The following TICAM2 variants were observed in gnomAD, a reference collection of about 807,000 sequenced individuals.
TICAM2 encodes the protein TIR domain containing adaptor molecule 2.
In TICAM2, 8 loss-of-function variants were observed where a neutral mutation model predicts 7.3. The ratio of observed to expected loss-of-function variants is 1.10; its 90% CI spans 0.65 to 1.99. The LOEUF is 1.99. Among genes scored for constraint, TICAM2 ranks in the 30% most tolerant of loss-of-function variants. The pLI, the probability that TICAM2 is intolerant of heterozygous loss-of-function variation, is 0.00. For synonymous variants in TICAM2, 113 were observed against 99.6 expected, an observed-to-expected ratio of 1.13 and a Z score of -0.80; for missense variants, 304 against 278.8, an observed-to-expected ratio of 1.09 and a Z score of -0.65.
intron 1 of TICAM2, among the ~76,000 whole-genome samples, chr5:115,585,167 G>T (rs1423517836): frequency 6.6e-6 from 1 of 152,054 alleles, no homozygotes; most frequent in Non-Finnish European, 1.5e-5. Context: ...CTATCCTTAG[G>T]GGTTTTATGA....
At position 115,579,714 on chromosome 5, in the gene TICAM2, A is replaced by G. The variant is rs1188500032; in HGVS notation, c.*835T>C. ...ATGAGAAATACTTCCTGAGAAGAGA[A>G]TTGTGTGTGACGGAAACTTTTAAAG... On this transcript the variant is annotated 3_prime_UTR_variant, in exon 2 of 2. Transcript: ENST00000427199. 1 of 152,230 alleles carries G rather than the reference A, an allele frequency of 6.6e-6. No individual in the cohort carries two copies. The highest frequency in any genetic ancestry group is 2.4e-5 in the African/African-American group (1 of 41,462). The allele number at this position is 152,230 out of a possible 1,614,324, so 9.4% of individuals were successfully genotyped here. A position where few individuals can be genotyped will look rare whatever the true frequency, so the allele number is the denominator to read the frequency against.
chr5:115,581,000 G>A lies in TICAM2; in HGVS notation c.257C>T (p.Ala86Val), dbSNP rs963155520. The A allele has an allele frequency of 3.7e-6, 6 of 1,613,842 alleles. No individual in the cohort carries two copies. The South Asian group carries it at 4.4e-5, about 12-fold the overall frequency. The change falls in exon 2 of 2, where the codon GCA becomes GTA. Residue 86 changes from alanine to valine, a missense_variant. Ala to Val is a moderately conservative substitution (Grantham distance 64). Coordinates refer to ENST00000427199, the MANE Select transcript of TICAM2 (RefSeq NM_021649.7). Reference protein sequence around the residue: ...EVFLKFVILHAEDDTDEALRV... With the variant: ...EVFLKFVILHVEDDTDEALRV... ...GAGGGCTTCATCTGTGTCATCTTCT[G>A]CATGCAATATCACAAATTTGAGGAA...
intron 1 of TICAM2, among the ~76,000 whole-genome samples, chr5:115,601,005 A>T (rs755434930): frequency 6.6e-6 from 1 of 152,216 alleles, no homozygotes; most frequent in Non-Finnish European, 1.5e-5. Context: ...TTATACTTCA[A>T]GTTCCATACG....
At position 115,594,931 on chromosome 5, in the gene TICAM2, A is replaced by G. The variant is rs73254575; in HGVS notation, c.-60+7166T>C. 8.8e-3 allele frequency among the ~76,000 whole-genome samples: 1,334 copies of G among 152,234 alleles called. 15 individuals are homozygous for G. Among genetic ancestry groups the G allele is most frequent in the African/African-American group, 0.031 (1,271 of 41,534 alleles). Reference sequence around the variant, plus strand: ...GACAAGCTCATCCCCATCTGAGATGATGGATACAGACTCAATTCAGTCTGT... The same window carrying G: ...GACAAGCTCATCCCCATCTGAGATGGTGGATACAGACTCAATTCAGTCTGT... On this transcript the variant is annotated intron_variant, in intron 1 of 1. Coordinates refer to ENST00000427199, the MANE Select transcript of TICAM2 (RefSeq NM_021649.7).
chr5:115,600,546 G>A (rs1038039240), intron 1 of TICAM2, among the ~76,000 whole-genome samples: 3 of 152,176 alleles, frequency 2.0e-5, no homozygotes, highest in Non-Finnish European at 4.4e-5. Context: ...GCAGAATATG[G>A]TGACCTGGAA....
intron 1 of TICAM2, among the ~76,000 whole-genome samples, chr5:115,591,356 G>A (rs1320323447): frequency 2.6e-5 from 4 of 152,156 alleles, no homozygotes; most frequent in African/African-American, 9.7e-5. Flanking sequence ...TTTAATAACT[G>A]CCATCTCTGA....
At chr5:115,598,062 T>C (rs951589727) in intron 1 of TICAM2, among the ~76,000 whole-genome samples, 4 of 152,244 alleles carry the variant, frequency 2.6e-5, no homozygotes, top group Admixed American at 1.3e-4. Context: ...CATGTTCACC[T>C]TTTGAACAAT....
At chr5:115,591,970 C>T (rs1254570834) in intron 1 of TICAM2, among the ~76,000 whole-genome samples, 1 of 151,980 alleles carries the variant, frequency 6.6e-6, no homozygotes, top group East Asian at 1.9e-4. Context: ...AAAAGAAAAC[C>T]ACATCTAGCT....
chr5:115,600,944 G>A (rs1285286374), intron 1 of TICAM2, among the ~76,000 whole-genome samples: 2 of 152,134 alleles, frequency 1.3e-5, no homozygotes, highest in African/African-American at 4.8e-5. Flanking sequence ...AATAGCATAA[G>A]GAACAAATGA....
chr5:115,592,100 A>G (rs1755330369), intron 1 of TICAM2, among the ~76,000 whole-genome samples: 1 of 152,258 alleles, frequency 6.6e-6, no homozygotes, highest in South Asian at 2.1e-4. Context: ...AAATAATGAT[A>G]GCTTTAACGT....
In TICAM2 at chr5:115,581,041, T is replaced by C. The variant is rs1754903355; in HGVS notation, c.216A>G (p.Glu72=). The change falls in exon 2 of 2, where the codon GAA becomes GAG. Residue 72 remains glutamate (E), a synonymous_variant. Coordinates refer to ENST00000427199, the MANE Select transcript of TICAM2 (RefSeq NM_021649.7). ...ATTTGAGGAACACCTCTTCTTCAGC[T>C]TCTTCTTCAAACATCTCTTCCACGC... ...AQSVEEMFEE[E]AEEEVFLKFV... is the part of the protein sequence containing the mutation. The C allele has an allele frequency of 6.2e-7, 1 of 1,614,202 alleles. No individual in the cohort carries two copies. The highest frequency in any genetic ancestry group is 2.2e-5 in the East Asian group (1 of 44,878).
chr5:115,592,063 T>C (rs1376154486), intron 1 of TICAM2, among the ~76,000 whole-genome samples: 1 of 152,016 alleles, frequency 6.6e-6, no homozygotes, highest in African/African-American at 2.4e-5. Context: ...CCTTAAAAGA[T>C]GCAACAATAA....
At chr5:115,601,170 T>C (rs541513270) in intron 1 of TICAM2, among the ~76,000 whole-genome samples, 15 of 147,584 alleles carry the variant, frequency 1.0e-4, no homozygotes, top group African/African-American at 3.8e-4. Context: ...AATGTAAGGA[T>C]TGATGGGCTG....
Position 115,580,926 on chromosome 5 carries a change from T to C in TICAM2, c.331A>G (p.Ile111Val), listed in dbSNP as rs781433700. ...CTGCCACATGGCATCTCAGCAAAGA[T>C]TATTCCGGGTTTGATACCAAAGTCA... ...QDDFGIKPGI[I>V]FAEMPCGRQH... is the part of the protein sequence containing the mutation. The change falls in exon 2 of 2, where the codon ATC (isoleucine) becomes GTC (valine). Residue 111 changes from isoleucine to valine, a missense_variant. Physicochemically the swap from Ile to Val is conservative, Grantham distance 29. Transcript: ENST00000427199. 4 of 1,613,780 alleles carry C rather than the reference T, an allele frequency of 2.5e-6. No homozygotes were observed. The East Asian group carries it at 8.9e-5, about 36-fold the overall frequency.
intron 1 of TICAM2, among the ~76,000 whole-genome samples, chr5:115,595,693 C>A (rs1227990603): frequency 1.3e-5 from 2 of 152,170 alleles, no homozygotes; most frequent in African/African-American, 4.8e-5. Flanking sequence ...CCAATCTCTC[C>A]TTTTATCCAT....
intron 1 of TICAM2, among the ~76,000 whole-genome samples, chr5:115,593,474 G>A (rs1217524619): frequency 6.6e-6 from 1 of 151,760 alleles, no homozygotes. Context: ...ACCAAAAAAG[G>A]GGCAAGATTT....
At position 115,581,280 on chromosome 5, in the gene TICAM2, G is replaced by T. The variant is rs1471665549; in HGVS notation, c.-24C>A. 5 of 1,602,022 alleles carry T rather than the reference G, an allele frequency of 3.1e-6. No homozygotes were observed. The African/African-American group carries it at 6.7e-5, about 21-fold the overall frequency. ...ATTATAAATATCCAAGGCAGAAGAG[G>T]AAAACTTTATGTATTTCTCAGCATT... is the stretch of plus-strand genomic sequence containing the variant. On this transcript the variant is annotated 5_prime_UTR_variant, in exon 2 of 2. Coordinates refer to ENST00000427199, the MANE Select transcript of TICAM2 (RefSeq NM_021649.7).
rs1237631232 is a variant in TICAM2 at position 115,578,958 on chromosome 5, C to G, written c.*1591G>C. 1 of 152,540 alleles carries G rather than the reference C, an allele frequency of 6.6e-6. No individual in the cohort carries two copies. Among genetic ancestry groups the G allele is most frequent in the Admixed American group, 6.5e-5 (1 of 15,282 alleles). The allele number at this position is 152,540 out of a possible 1,614,324, so 9.4% of individuals were successfully genotyped here. On this transcript the variant is annotated 3_prime_UTR_variant, in exon 2 of 2. Transcript: ENST00000427199. ...CCTCATAGAACGTTTTGGTTCATGG[C>G]TATGAAGAGGTAACTGCAAAAAGAT...
At chr5:115,597,778 G>T (rs964244630) in intron 1 of TICAM2, among the ~76,000 whole-genome samples, 1 of 152,144 alleles carries the variant, frequency 6.6e-6, no homozygotes, top group African/African-American at 2.4e-5. Context: ...TGCAGAGCCT[G>T]CGTATACAAA....
Sources: gnomAD v4.1 joint callset for allele counts (sites outside exome capture counted in the v4.1 genomes callset) on GRCh38, gnomAD v4.1.1 for gene constraint, MANE v1.5 for transcripts, NCBI Gene and HGNC (gene_info 2026-07-23, HGNC 2026-07-21) for gene names.